Variants in ATXN7 observed in about 807,000 individuals in gnomAD.
ATXN7 encodes ataxin-7.
ATXN7 carries 12 observed loss-of-function variants against 70.5 expected under a neutral mutation model. That is an observed-to-expected ratio of 0.17 (90% CI 0.11 to 0.28). ATXN7 has a LOEUF of 0.28. Ranked by LOEUF, ATXN7 falls within the 10% of genes least tolerant of loss-of-function variation. The pLI, the probability that ATXN7 is intolerant of heterozygous loss-of-function variation, is 1.00. For synonymous variants in ATXN7, 498 were observed against 448.7 expected, an observed-to-expected ratio of 1.11 and a Z score of -1.39; for missense variants, 1,256 against 1,131.7, an observed-to-expected ratio of 1.11 and a Z score of -1.58.
chr3:63,985,294 C>T (rs1048450782), intron 8 of ATXN7, among the ~76,000 whole-genome samples: 1 of 152,060 alleles, frequency 6.6e-6, no homozygotes, highest in Non-Finnish European at 1.5e-5. Context: ...GATATATGCT[C>T]CCCTTGTCGT....
chr3:63,876,798 T>G (rs920894849), intron 1 of ATXN7, among the ~76,000 whole-genome samples: 13 of 152,200 alleles, frequency 8.5e-5, no homozygotes, highest in Non-Finnish European at 1.2e-4. Context: ...TTTTATTTGC[T>G]AGCATTTGTA....
At chr3:63,864,846 A>G (rs1702359132) in intron 1 of ATXN7, 1 of 152,218 alleles carries the variant, frequency 6.6e-6, no homozygotes, top group Non-Finnish European at 1.5e-5. Context: ...ATCTCTTTCC[A>G]AAAGTCACTT....
At position 63,999,485 on chromosome 3, in the gene ATXN7, G is replaced by C; in HGVS notation, c.*18G>C. The C allele has an allele frequency of 6.2e-7, 1 of 1,613,832 alleles. No homozygotes were observed. The highest frequency in any genetic ancestry group is 1.1e-5 in the South Asian group (1 of 90,982). ...GTCCCTGACAGCTGAAAATAGCACG[G>C]GGAGGAATAATGCGGACACTTTTGA... On this transcript the variant is annotated 3_prime_UTR_variant, in exon 13 of 13. Coordinates refer to ENST00000674280, the MANE Select transcript of ATXN7 (RefSeq NM_001377405.1).
chr3:63,898,850 C>T (rs1703524260), intron 2 of ATXN7, among the ~76,000 whole-genome samples: 2 of 152,236 alleles, frequency 1.3e-5, no homozygotes, highest in South Asian at 4.1e-4. Context: ...TTTCCAGCAC[C>T]ATTCCCCCAG....
chr3:63,988,049 T>C lies in ATXN7; in HGVS notation c.1096-10T>C. 3 of 1,610,614 alleles carry C rather than the reference T, an allele frequency of 1.9e-6. No individual in the cohort carries two copies. Among genetic ancestry groups the C allele is most frequent in the Middle Eastern group, 1.7e-4 (1 of 6,022 alleles). On this transcript the variant is annotated splice_polypyrimidine_tract_variant and intron_variant, in intron 8 of 12. Transcript: ENST00000674280. ...AGATTCCTCAGTTTCTGTATTTTTT[T>C]GGTCCACAGACACATTCCTTAACCC...
chr3:63,927,217 A>G (rs1371804377), intron 4 of ATXN7, among the ~76,000 whole-genome samples: 1 of 152,162 alleles, frequency 6.6e-6, no homozygotes. Context: ...TTCTGGTAGG[A>G]GTCACCTTTT....
At chr3:63,921,678 T>C (rs1704517135) in intron 4 of ATXN7, among the ~76,000 whole-genome samples, 1 of 152,132 alleles carries the variant, frequency 6.6e-6, no homozygotes, top group South Asian at 2.1e-4. Context: ...CAGAGACAGT[T>C]CTGGGAACCC....
chr3:63,890,706 A>C (rs145327719), intron 1 of ATXN7, among the ~76,000 whole-genome samples: 72 of 152,364 alleles, frequency 4.7e-4, no homozygotes, highest in African/African-American at 1.6e-3. Flanking sequence ...CGATAGTAAG[A>C]ATACTTTATA....
rs916703689 is a variant in ATXN7, at chr3:63,898,453, A to G, written c.-56A>G. 21 of 152,362 alleles carry G rather than the reference A, an allele frequency of 1.4e-4. No individual in the cohort carries two copies. The highest frequency in any genetic ancestry group is 3.9e-4 in the Admixed American group (6 of 15,298). 9.4% of individuals were successfully genotyped at this position (152,362 alleles called of 1,614,324 possible). A position where few individuals can be genotyped will look rare whatever the true frequency, so the allele number is the denominator to read the frequency against. ...TCACAATTGCAGCAGATGAAGATCC[A>G]TTGGTAAATTGATCAGGATTTTTGG... On this transcript the variant is annotated 5_prime_UTR_variant, in exon 2 of 13. Transcript: ENST00000674280.
intron 1 of ATXN7, among the ~76,000 whole-genome samples, chr3:63,865,607 G>A (rs558432156): frequency 6.6e-6 from 1 of 152,058 alleles, no homozygotes; most frequent in South Asian, 2.1e-4. Flanking sequence ...GAAAGTAATT[G>A]TCGGCCGGGC....
chr3:63,972,360 T>C (rs2075325836), intron 5 of ATXN7, among the ~76,000 whole-genome samples: 1 of 152,226 alleles, frequency 6.6e-6, no homozygotes, highest in Admixed American at 6.5e-5. Context: ...GTTTGTGGAA[T>C]GGAGCTGTCA....
chr3:63,955,905 G>A (rs910686352), intron 5 of ATXN7, among the ~76,000 whole-genome samples: 4 of 152,210 alleles, frequency 2.6e-5, no homozygotes, highest in African/African-American at 9.7e-5. Context: ...TACCGTGGCA[G>A]CAAGTCTTGT....
intron 12 of ATXN7, among the ~76,000 whole-genome samples, chr3:63,997,228 A>G (rs1253483079): frequency 2.6e-5 from 4 of 152,164 alleles, no homozygotes; most frequent in South Asian, 4.1e-4. Context: ...ACTGCACTCC[A>G]TCCGGCCTAT....
intron 5 of ATXN7, among the ~76,000 whole-genome samples, chr3:63,972,337 G>A (rs776876271): frequency 3.3e-5 from 5 of 152,128 alleles, no homozygotes; most frequent in Non-Finnish European, 4.4e-5. Context: ...TTAAATGGGC[G>A]TCATTATGGG....
chr3:63,938,803 T>G (rs1217219586), intron 4 of ATXN7, among the ~76,000 whole-genome samples: 2 of 152,206 alleles, frequency 1.3e-5, no homozygotes, highest in Non-Finnish European at 2.9e-5. Context: ...ACAGGAGATT[T>G]ATCTTTATTT....
At chr3:63,930,415 G>C (rs1329335530) in intron 4 of ATXN7, among the ~76,000 whole-genome samples, 1 of 152,146 alleles carries the variant, frequency 6.6e-6, no homozygotes, top group Non-Finnish European at 1.5e-5. Context: ...CCCCTCCACA[G>C]CTTTCCCTGG....
At chr3:63,969,672 G>C (rs979026431) in intron 5 of ATXN7, among the ~76,000 whole-genome samples, 1 of 152,138 alleles carries the variant, frequency 6.6e-6, no homozygotes, top group African/African-American at 2.4e-5. Flanking sequence ...TGGGAAAACA[G>C]TGACCTAGAC....
At chr3:63,884,544 TGGGAG>T (rs1703023976) in intron 1 of ATXN7, among the ~76,000 whole-genome samples, 3 of 151,808 alleles carry the variant, frequency 2.0e-5, no homozygotes, top group Non-Finnish European at 4.4e-5. Flanking sequence ...AATAAGCAAA[TGGGAG>T]AGAATAGATA....
chr3:63,890,792 T>C (rs539201810), intron 1 of ATXN7, among the ~76,000 whole-genome samples: 2 of 152,082 alleles, frequency 1.3e-5, no homozygotes, highest in African/African-American at 2.4e-5. Context: ...TTGTTTAAGC[T>C]CAGAGTGTGT....
Sources: gnomAD v4.1 joint callset for allele counts (sites outside exome capture counted in the v4.1 genomes callset) on GRCh38, gnomAD v4.1.1 for gene constraint, MANE v1.5 for transcripts, NCBI Gene and HGNC (gene_info 2026-07-23, HGNC 2026-07-21) for gene names.